Variants in SH3RF3 observed in about 807,000 individuals in gnomAD.
SH3RF3 encodes the protein SH3 domain containing ring finger 3.
A neutral mutation model predicts 66.3 loss-of-function variants in SH3RF3; 29 were observed. The observed-to-expected ratio is 0.44, with a 90% CI of 0.33 to 0.60. SH3RF3 has a LOEUF of 0.60. SH3RF3 is among the 20% of genes least tolerant of loss of function. The pLI, the probability that SH3RF3 is intolerant of heterozygous loss-of-function variation, is 0.04. For synonymous variants in SH3RF3, 583 were observed against 532.0 expected, an observed-to-expected ratio of 1.10 and a Z score of -1.32; for missense variants, 1,194 against 1,190.9, an observed-to-expected ratio of 1.00 and a Z score of -0.04.
chr2:109,476,935 G>A (rs1678698989), intron 8 of SH3RF3, among the ~76,000 whole-genome samples: 1 of 152,190 alleles, frequency 6.6e-6, no homozygotes, highest in Non-Finnish European at 1.5e-5. Context: ...AGGACAACCA[G>A]AGGTCACCCT....
rs761151015 is a variant in SH3RF3, at chr2:109,449,408, T to G, written c.2067T>G (p.Ala689=). 2.4e-5 allele frequency: 39 copies of G among 1,613,400 alleles called. 1 individual carries two copies. The South Asian group carries it at 3.8e-4, about 16-fold the overall frequency. Residue 689 remains alanine, a synonymous_variant, in exon 8 of 10, where the codon GCT becomes GCG. Coordinates refer to ENST00000309415, the MANE Select transcript of SH3RF3 (RefSeq NM_001099289.3). ...GTGCCGCAAACCTCAACGGGGAGGC[T>G]GGAGGGGGGCCCATCGGTGTTCTGT... ...NVSAANLNGE[A]GGGPIGVLST...
intron 9 of SH3RF3, among the ~76,000 whole-genome samples, chr2:109,495,477 CTTTTTTTTTTTTTTTTTTTTT>C (rs569509984): frequency 1.1e-5 from 1 of 94,278 alleles, no homozygotes. Flanking sequence ...TCTTTCATTC[CTTTTTTTTTTTTTTTTTTTTT>C]TTTTTTTTTT....
At position 109,325,183 on chromosome 2, in the gene SH3RF3, G is replaced by A. The variant is rs144991728; in HGVS notation, c.574-22491G>A. On this transcript the variant is annotated intron_variant, in intron 1 of 9. Coordinates refer to ENST00000309415, the MANE Select transcript of SH3RF3 (RefSeq NM_001099289.3). Reference sequence around the variant, plus strand: ...ACAACTCACTGGTCTTTAATTTTCTGTGAAGATCAGTGTCTCACTTCATCC... The same window carrying A: ...ACAACTCACTGGTCTTTAATTTTCTATGAAGATCAGTGTCTCACTTCATCC... Among the ~76,000 whole-genome samples the A allele has an allele frequency of 3.6e-3, 545 of 152,194 alleles. 6 individuals are homozygous for A. Among genetic ancestry groups the A allele is most frequent in the African/African-American group, 0.012 (506 of 41,524 alleles).
chr2:109,369,411 G>T (rs192757346), intron 2 of SH3RF3, among the ~76,000 whole-genome samples: 1 of 152,212 alleles, frequency 6.6e-6, no homozygotes, highest in African/African-American at 2.4e-5. Flanking sequence ...CTGGAGGGAC[G>T]CTCTGCTAAA....
chr2:109,168,552 C>G (rs1261530810), intron 1 of SH3RF3, among the ~76,000 whole-genome samples: 2 of 152,228 alleles, frequency 1.3e-5, no homozygotes, highest in African/African-American at 4.8e-5. Context: ...TGACCTTAGT[C>G]TCTTCCTACT....
intron 1 of SH3RF3, among the ~76,000 whole-genome samples, chr2:109,283,372 C>T (rs887439815): frequency 2.6e-5 from 4 of 152,216 alleles, no homozygotes; most frequent in Non-Finnish European, 5.9e-5. Flanking sequence ...CCAGGCCTCA[C>T]CTCACTGCGT....
chr2:109,347,516 A>G (rs1682737530), intron 1 of SH3RF3, among the ~76,000 whole-genome samples, 158 bp from the exon 2 acceptor site: 1 of 152,108 alleles, frequency 6.6e-6, no homozygotes, highest in African/African-American at 2.4e-5. Context: ...TTCCTGTGAC[A>G]GGCTGTTTCT....
intron 1 of SH3RF3, among the ~76,000 whole-genome samples, chr2:109,296,401 G>T (rs180944538): frequency 0.037 from 5,459 of 149,432 alleles, 323 homozygotes; most frequent in African/African-American, 0.13. Flanking sequence ...TTTTTTTTTT[G>T]TGTGTGTGTT....
intron 1 of SH3RF3, among the ~76,000 whole-genome samples, chr2:109,232,642 G>C (rs1383196013): frequency 1.3e-5 from 2 of 152,128 alleles, no homozygotes; most frequent in African/African-American, 4.8e-5. Flanking sequence ...TTCTGGAAAG[G>C]GGTGATTGAT....
At chr2:109,290,716 G>A (rs1052092428) in intron 1 of SH3RF3, among the ~76,000 whole-genome samples, 1 of 152,226 alleles carries the variant, frequency 6.6e-6, no homozygotes, top group Non-Finnish European at 1.5e-5. Context: ...CACCTGCCCA[G>A]CTGCACTCAA....
intron 1 of SH3RF3, among the ~76,000 whole-genome samples, chr2:109,196,826 A>G (rs1373602184): frequency 1.3e-5 from 2 of 152,198 alleles, no homozygotes; most frequent in African/African-American, 4.8e-5. Flanking sequence ...TCTTTGGGGC[A>G]CAACTCACAG....
chr2:109,290,214 C>T (rs762771470), intron 1 of SH3RF3, among the ~76,000 whole-genome samples: 3 of 152,216 alleles, frequency 2.0e-5, no homozygotes, highest in Non-Finnish European at 4.4e-5. Context: ...TCTTTCATAT[C>T]TTCAGACACA....
chr2:109,376,658 AC>A (rs145785111), intron 3 of SH3RF3, among the ~76,000 whole-genome samples: 2 of 151,972 alleles, frequency 1.3e-5, no homozygotes, highest in African/African-American at 4.8e-5. Flanking sequence ...ACTGAAAAAG[AC>A]CCCCCAGAGA....
intron 3 of SH3RF3, among the ~76,000 whole-genome samples, chr2:109,380,146 A>G (rs1209893229): frequency 1.3e-5 from 2 of 152,144 alleles, no homozygotes; most frequent in Non-Finnish European, 2.9e-5. Flanking sequence ...ATGGGTGTTC[A>G]TTGTAGTTTG....
intron 1 of SH3RF3, among the ~76,000 whole-genome samples, chr2:109,133,189 C>T (rs555153721): frequency 1.3e-5 from 2 of 152,312 alleles, no homozygotes; most frequent in African/African-American, 4.8e-5. Context: ...CAAGGAAGGA[C>T]ATTGTCACAA....
intron 1 of SH3RF3, among the ~76,000 whole-genome samples, chr2:109,266,735 C>T (rs531476084): frequency 6.6e-6 from 1 of 152,326 alleles, no homozygotes; most frequent in African/African-American, 2.4e-5. Flanking sequence ...ACACGGCCCA[C>T]GCTTGCTTCA....
At chr2:109,253,459 G>A (rs754141207) in intron 1 of SH3RF3, among the ~76,000 whole-genome samples, 1 of 152,160 alleles carries the variant, frequency 6.6e-6, no homozygotes, top group Non-Finnish European at 1.5e-5. Context: ...GGCTGGTGAG[G>A]GCATTTTTTG....
intron 8 of SH3RF3, among the ~76,000 whole-genome samples, chr2:109,481,164 A>G (rs1678825215): frequency 6.6e-6 from 1 of 152,214 alleles, no homozygotes; most frequent in Non-Finnish European, 1.5e-5. Flanking sequence ...TGAGAGGGGA[A>G]CATCTCAATG....
At chr2:109,332,886 T>C (rs1682320256) in intron 1 of SH3RF3, among the ~76,000 whole-genome samples, 1 of 152,244 alleles carries the variant, frequency 6.6e-6, no homozygotes, top group African/African-American at 2.4e-5. Flanking sequence ...ATAGAATAAA[T>C]GGTCAGAAAC....
Sources: allele counts gnomAD v4.1 joint callset (sites outside exome capture counted in the v4.1 genomes callset), GRCh38; gene constraint gnomAD v4.1.1; transcripts MANE v1.5; gene names NCBI Gene and HGNC (gene_info 2026-07-23, HGNC 2026-07-21).